Variants in WDR72 observed in about 807,000 individuals in gnomAD.
The protein encoded by WDR72 is WD repeat-containing protein 72.
WDR72 carries 120 observed loss-of-function variants against 124.2 expected under a neutral mutation model. The ratio of observed to expected loss-of-function variants is 0.97; its 90% CI spans 0.83 to 1.12. The LOEUF (loss-of-function observed/expected upper bound fraction) is 1.12, where lower values mean the gene tolerates loss of function less well. WDR72 is among the 50% of genes most tolerant of loss of function. The pLI, the probability that WDR72 is intolerant of heterozygous loss-of-function variation, is 0.00. For synonymous variants in WDR72, 452 were observed against 441.7 expected (o/e 1.02, Z -0.29); for missense variants, 1,387 against 1,278.8 (o/e 1.08, Z -1.29).
At chr15:53,540,209 C>G (rs962605811) in intron 18 of WDR72, among the ~76,000 whole-genome samples, 3 of 151,956 alleles carry the variant, frequency 2.0e-5, no homozygotes, top group Admixed American at 2.0e-4. Context: ...ATAATGGGGA[C>G]GAAATATTGA....
chr15:53,613,641 A>G (rs765520404), intron 16 of WDR72, 25 bp downstream of exon 16: 33 of 1,520,472 alleles, frequency 2.2e-5, no homozygotes, highest in Admixed American at 6.7e-5. Flanking sequence ...AAATCAGATC[A>G]TATCTGTGCC....
rs145477786 is a variant in WDR72 at position 53,583,692 on chromosome 15, A to G, written c.3148+13387T>C. On this transcript the variant is annotated intron_variant, in intron 18 of 19. Coordinates refer to ENST00000360509, the MANE Select transcript of WDR72 (RefSeq NM_182758.4). ...TGCCCTGTGTTACAGGTACTTTGTC[A>G]TCACCTTCTGAAACACTGTTTCACA... Among the ~76,000 whole-genome samples, 91 of 152,162 alleles carry G rather than the reference A, an allele frequency of 6.0e-4. No individual in the cohort carries two copies. The East Asian group carries it at 0.015, about 25-fold the overall frequency.
chr15:53,558,040 G>C (rs1893993657), intron 18 of WDR72, among the ~76,000 whole-genome samples: 1 of 151,928 alleles, frequency 6.6e-6, no homozygotes, highest in South Asian at 2.1e-4. Context: ...GTGGAATCTG[G>C]AGCAGTGGGT....
At chr15:53,654,115 TA>T (rs1448626020) in intron 14 of WDR72, among the ~76,000 whole-genome samples, 1 of 152,162 alleles carries the variant, frequency 6.6e-6, no homozygotes, top group Non-Finnish European at 1.5e-5. Context: ...CTTTTAATTA[TA>T]ATATGATGTA....
At chr15:53,637,729 C>T (rs1402211901) in intron 14 of WDR72, among the ~76,000 whole-genome samples, 2 of 152,122 alleles carry the variant, frequency 1.3e-5, no homozygotes, top group African/African-American at 4.8e-5. Context: ...ATCCTACCTC[C>T]TTTAATGCTT....
chr15:53,679,287 C>T (rs74015853), intron 13 of WDR72, among the ~76,000 whole-genome samples: 4,104 of 152,146 alleles, frequency 0.027, 101 homozygotes, highest in East Asian at 0.069. Context: ...TGAACTGTAC[C>T]CTTCAAAAAG....
chr15:53,759,279 T>C (rs1204989598), intron 1 of WDR72: 1 of 152,124 alleles, frequency 6.6e-6, no homozygotes, highest in Non-Finnish European at 1.5e-5. Context: ...ATTATCCTAA[T>C]AGGGAAAGGC....
At chr15:53,686,185 G>A (rs532243256) in intron 13 of WDR72, among the ~76,000 whole-genome samples, 3,631 of 147,302 alleles carry the variant, frequency 0.025, 174 homozygotes, top group African/African-American at 0.088. Context: ...ACATCATAAT[G>A]ACAGGATCAA....
At chr15:53,717,769 A>C (rs1012325140) in intron 3 of WDR72, among the ~76,000 whole-genome samples, 1 of 152,140 alleles carries the variant, frequency 6.6e-6, no homozygotes, top group Admixed American at 6.6e-5. Flanking sequence ...ATTAGTACTG[A>C]GGTTGAGAAA....
At chr15:53,718,060 A>G (rs2017763380) in intron 3 of WDR72, among the ~76,000 whole-genome samples, 1 of 152,202 alleles carries the variant, frequency 6.6e-6, no homozygotes, top group Non-Finnish European at 1.5e-5. Context: ...TAAGCAGTCA[A>G]CATTATAAAA....
intron 19 of WDR72, among the ~76,000 whole-genome samples, chr15:53,521,465 A>T (rs962075606): frequency 1.3e-5 from 2 of 152,140 alleles, no homozygotes; most frequent in African/African-American, 4.8e-5. Flanking sequence ...GGACAGAGGA[A>T]AAAGCCAGAG....
In WDR72 at chr15:53,732,994, A is replaced by C; in HGVS notation, c.153+3T>G. 1 of 1,614,048 alleles carries C rather than the reference A, an allele frequency of 6.2e-7. No individual in the cohort carries two copies. Among genetic ancestry groups the C allele is most frequent in the South Asian group, 1.1e-5 (1 of 91,086 alleles). On this transcript the variant is annotated splice_donor_region_variant and intron_variant, in intron 2 of 19. Transcript: ENST00000360509. ...TGTTTCAATATCAGTAGCTTTCACT[A>C]ACCTTTAGTTCATGTGAGAGATTCC... is the stretch of plus-strand genomic sequence containing the variant.
At chr15:53,610,272 G>C (rs529345294) in intron 16 of WDR72, among the ~76,000 whole-genome samples, 1 of 152,104 alleles carries the variant, frequency 6.6e-6, no homozygotes, top group Non-Finnish European at 1.5e-5. Flanking sequence ...GTGTCCAGCA[G>C]TTTCCTACAC....
chr15:53,722,034 AT>A (rs66471890), intron 3 of WDR72, among the ~76,000 whole-genome samples: 39,009 of 151,074 alleles, frequency 0.26, 6,506 homozygotes, highest in Middle Eastern at 0.46. Context: ...ATTTATTTTT[AT>A]TTTTTATTTT....
rs2013760091 is a variant in WDR72 at position 53,616,196 on chromosome 15, C to T, written c.2010G>A (p.Val670=). ...AGCCAACGTTACTCCATTTTGTCTT[C>T]ACAGGCAAGACATTAAAAGGTCTTG... ...FCPRPFNVLP[V]KTKWSNVGFH... Residue 670 remains valine (V), a synonymous_variant, in exon 15 of 20, where the codon GTG becomes GTA. Transcript: ENST00000360509. 6.2e-7 allele frequency: 1 copy of T among 1,605,296 alleles called. No homozygotes were observed. The highest frequency in any genetic ancestry group is 8.5e-7 in the Non-Finnish European group (1 of 1,178,800).
chr15:53,607,810 G>C (rs560675301), intron 17 of WDR72, among the ~76,000 whole-genome samples: 2 of 152,024 alleles, frequency 1.3e-5, no homozygotes, highest in East Asian at 3.9e-4. Context: ...CAACTCTATA[G>C]GAAAAATCTA....
At chr15:53,701,559 T>TCTCACACACACACACACACACA (rs369568228) in intron 12 of WDR72, among the ~76,000 whole-genome samples, 2 of 120,100 alleles carry the variant, frequency 1.7e-5, no homozygotes. Context: ...TCTCTCTCTC[T>TCTCACACACACACACACACACA]CACACACACA....
At chr15:53,593,349 A>C (rs1225398908) in intron 18 of WDR72, among the ~76,000 whole-genome samples, 1 of 152,132 alleles carries the variant, frequency 6.6e-6, no homozygotes, top group Admixed American at 6.6e-5. Context: ...ATAACAGCAC[A>C]GTATTTAGGA....
chr15:53,681,562 T>C (rs772256375), intron 13 of WDR72, among the ~76,000 whole-genome samples: 2 of 152,142 alleles, frequency 1.3e-5, no homozygotes, highest in African/African-American at 2.4e-5. Context: ...ACAGCCAGTA[T>C]TTTCTTTACT....
Sources: gnomAD v4.1 joint callset for allele counts (sites outside exome capture counted in the v4.1 genomes callset) on GRCh38, gnomAD v4.1.1 for gene constraint, MANE v1.5 for transcripts, NCBI Gene and HGNC (gene_info 2026-07-23, HGNC 2026-07-21) for gene names.